Variants in NOL10 observed in about 807,000 individuals in gnomAD.
NOL10 encodes the protein nucleolar protein 10.
A neutral mutation model predicts 103.5 loss-of-function variants in NOL10; 58 were observed. That is an observed-to-expected ratio of 0.56 (90% confidence interval 0.45 to 0.70). The LOEUF is 0.70. NOL10 is among the 30% of genes least tolerant of loss of function. The pLI is 0.00. For missense variants in NOL10, 763 were observed against 807.3 expected (o/e 0.95, Z 0.67); for synonymous variants, 287 against 282.5 (o/e 1.02, Z -0.16).
At chr2:10,575,043 C>T (rs56038505) in intron 20 of NOL10, among the ~76,000 whole-genome samples, 37,667 of 152,214 alleles carry the variant, frequency 0.25, 6,492 homozygotes, top group African/African-American at 0.45. Context: ...GGGCCATTAG[C>T]GCTTCTCCTG....
intron 9 of NOL10, among the ~76,000 whole-genome samples, chr2:10,660,629 T>G (rs1680134307): frequency 6.6e-6 from 1 of 152,216 alleles, no homozygotes; most frequent in African/African-American, 2.4e-5. Context: ...ATATATGTTC[T>G]TATCGAGTTT....
At chr2:10,583,842 T>A (rs1021701558) in intron 19 of NOL10, among the ~76,000 whole-genome samples, 9 of 152,240 alleles carry the variant, frequency 5.9e-5, no homozygotes, top group Non-Finnish European at 1.2e-4. Flanking sequence ...AATGGAGATA[T>A]TCTGCTAATG....
At chr2:10,649,026 T>C (rs1198245252) in intron 12 of NOL10, among the ~76,000 whole-genome samples, 3 of 151,796 alleles carry the variant, frequency 2.0e-5, no homozygotes, top group South Asian at 2.1e-4. Flanking sequence ...AACCTGAAAA[T>C]GGACTGGATG....
At chr2:10,685,418 G>A (rs12104753) in intron 1 of NOL10, among the ~76,000 whole-genome samples, 12 of 140,486 alleles carry the variant, frequency 8.5e-5, no homozygotes, top group African/African-American at 1.0e-4. Context: ...ACTTGAACCC[G>A]GGAGGCGGAG....
At chr2:10,598,558 C>T (rs6733416) in intron 17 of NOL10, among the ~76,000 whole-genome samples, 89,923 of 151,962 alleles carry the variant, frequency 0.59, 27,612 homozygotes, top group African/African-American at 0.74. Flanking sequence ...AGGAAAACAG[C>T]TGTGACAAGA....
chr2:10,623,841 T>C (rs995822755), intron 13 of NOL10, among the ~76,000 whole-genome samples: 1 of 152,162 alleles, frequency 6.6e-6, no homozygotes, highest in Non-Finnish European at 1.5e-5. Context: ...AACAATAAGA[T>C]ACTATACGCT....
At position 10,668,676 on chromosome 2, in the gene NOL10, G is replaced by T; in HGVS notation, c.512C>A (p.Pro171His). The change falls in exon 7 of 21, where the codon CCT becomes CAT. Residue 171 changes from proline (P) to histidine (H), a missense_variant. By Grantham distance (77) the Pro-to-His change is moderately conservative. Coordinates refer to ENST00000381685, the MANE Select transcript of NOL10 (RefSeq NM_024894.4). ...TACTCACGCAGCATCAGTTTGTAGA[G>T]GATTCAGGTATCGTCCTTGTTCTAA... ...LNLEQGRYLN[P>H]LQTDAAENNV... The T allele has an allele frequency of 6.5e-7, 1 of 1,545,884 alleles. No homozygotes were observed. Among genetic ancestry groups the T allele is most frequent in the Non-Finnish European group, 8.8e-7 (1 of 1,134,814 alleles).
chr2:10,633,287 G>C (rs1478524697), intron 13 of NOL10, among the ~76,000 whole-genome samples: 1 of 151,848 alleles, frequency 6.6e-6, no homozygotes, highest in Admixed American at 6.6e-5. Context: ...AGCTGGATTT[G>C]AACTGGGCTC....
At chr2:10,630,949 G>C (rs577754032) in intron 13 of NOL10, among the ~76,000 whole-genome samples, 1 of 152,270 alleles carries the variant, frequency 6.6e-6, no homozygotes, top group South Asian at 2.1e-4. Flanking sequence ...CCCTAGGGAA[G>C]AGTTTTCTTT....
intron 13 of NOL10, among the ~76,000 whole-genome samples, chr2:10,618,722 C>T (rs1427135498): frequency 6.6e-6 from 1 of 152,116 alleles, no homozygotes; most frequent in Non-Finnish European, 1.5e-5. Context: ...ACATTTATTC[C>T]CACCTACTAC....
intron 17 of NOL10, among the ~76,000 whole-genome samples, chr2:10,591,386 A>G (rs1298707489): frequency 2.0e-5 from 3 of 152,158 alleles, no homozygotes; most frequent in East Asian, 3.9e-4. Context: ...TGGGGGGTGC[A>G]GCATCAGGGA....
chr2:10,643,175 A>C (rs1244370520), intron 13 of NOL10, among the ~76,000 whole-genome samples: 1 of 152,218 alleles, frequency 6.6e-6, no homozygotes, highest in Non-Finnish European at 1.5e-5. Flanking sequence ...CTACCAACCA[A>C]ACGAAATATC....
intron 17 of NOL10, among the ~76,000 whole-genome samples, chr2:10,599,858 A>G (rs1242986851): frequency 1.3e-5 from 2 of 152,156 alleles, no homozygotes; most frequent in Non-Finnish European, 2.9e-5. Context: ...CCAAGATTAC[A>G]TAAGCAGTGT....
At chr2:10,685,489 C>T (rs1219900064) in intron 1 of NOL10, among the ~76,000 whole-genome samples, 15 of 2,832 alleles carry the variant, frequency 5.3e-3, no homozygotes, top group Non-Finnish European at 0.017. Flanking sequence ...GAGACTCCGT[C>T]CCCCCCCCCC....
Position 10,657,542 on chromosome 2 carries a change from A to T in NOL10, c.906+200T>A, listed in dbSNP as rs561118386. ...AATTCTAGATAATTGGGAAAACTTAACAGAAGGAAAGCAATCATGAGTATC... is the reference window on the plus strand; with the variant it reads ...AATTCTAGATAATTGGGAAAACTTATCAGAAGGAAAGCAATCATGAGTATC... On this transcript the variant is annotated intron_variant, in intron 11 of 20. Transcript: ENST00000381685. 2.5e-3 allele frequency among the ~76,000 whole-genome samples: 369 copies of T among 145,040 alleles called. 5 individuals carry two copies. The highest frequency in any genetic ancestry group is 0.016 in the South Asian group (69 of 4,390).
At chr2:10,680,292 GAGA>G (rs1458715885) in intron 3 of NOL10, among the ~76,000 whole-genome samples, 82 of 130,218 alleles carry the variant, frequency 6.3e-4, no homozygotes, top group Middle Eastern at 8.8e-3. Flanking sequence ...GGAGAAGAAG[GAGA>G]AGAAGGAGAA....
At chr2:10,639,795 AAAAC>A (rs1312292000) in intron 13 of NOL10, among the ~76,000 whole-genome samples, 6 of 152,214 alleles carry the variant, frequency 3.9e-5, no homozygotes, top group East Asian at 3.8e-4. Flanking sequence ...GACCCTGGAG[AAAAC>A]AAACAAACAA....
chr2:10,684,672 T>G (rs1226346202), intron 1 of NOL10, 60 bp from the exon 2 acceptor site: 1 of 1,330,844 alleles, frequency 7.5e-7, no homozygotes, highest in African/African-American at 1.5e-5. Context: ...TTTTTCGGCT[T>G]GCAAAATCAA....
At chr2:10,661,164 C>T (rs1346239177) in intron 9 of NOL10, among the ~76,000 whole-genome samples, 1 of 152,218 alleles carries the variant, frequency 6.6e-6, no homozygotes, top group Non-Finnish European at 1.5e-5. Context: ...CAACCTCCGC[C>T]TCCTGGGTTC....
Sources: gnomAD v4.1 joint callset for allele counts (sites outside exome capture counted in the v4.1 genomes callset) on GRCh38, gnomAD v4.1.1 for gene constraint, MANE v1.5 for transcripts, NCBI Gene and HGNC (gene_info 2026-07-23, HGNC 2026-07-21) for gene names.